LAMC1: variants seen among roughly 807,000 people sequenced by gnomAD.
LAMC1 encodes the protein laminin subunit gamma-1.
A neutral mutation model predicts 173.6 loss-of-function variants in LAMC1; 38 were observed. That is an observed-to-expected ratio of 0.22 (90% CI 0.17 to 0.29). The LOEUF (loss-of-function observed/expected upper bound fraction) is 0.29. LAMC1 is among the 10% of genes least tolerant of loss of function. The pLI is 1.00. For missense variants in LAMC1, 1,824 were observed against 2,051.8 expected, an observed-to-expected ratio of 0.89 and a Z score of 2.14; for synonymous variants, 746 against 749.1, an observed-to-expected ratio of 1.00 and a Z score of 0.07.
chr1:183,111,410 A>G (rs1656147936), intron 4 of LAMC1, among the ~76,000 whole-genome samples: 1 of 151,894 alleles, frequency 6.6e-6, no homozygotes, highest in African/African-American at 2.4e-5. Flanking sequence ...TCTCAAAACT[A>G]TTTTTTCTTT....
At chr1:183,095,926 T>C (rs994093822) in intron 1 of LAMC1, among the ~76,000 whole-genome samples, 61 of 152,224 alleles carry the variant, frequency 4.0e-4, no homozygotes, top group African/African-American at 1.3e-3. Context: ...TTTGCACTTA[T>C]TTGAAATTAC....
At position 183,036,755 on chromosome 1, in the gene LAMC1, G is replaced by T. The variant is rs192104453; in HGVS notation, c.418+12621G>T. On this transcript the variant is annotated intron_variant, in intron 1 of 27. Transcript: ENST00000258341. ...TTACGCTTATTTGTGAAGAACAAAG[G>T]ATTGTTTTCTTTTTTTGTTTTGTTT... Among the ~76,000 whole-genome samples, 450 of 150,522 alleles carry T rather than the reference G, an allele frequency of 3.0e-3. 3 individuals carry two copies. The highest frequency in any genetic ancestry group is 0.01 in the African/African-American group (419 of 41,252).
intron 1 of LAMC1, among the ~76,000 whole-genome samples, chr1:183,068,546 C>T (rs1033427417): frequency 2.6e-5 from 4 of 152,182 alleles, no homozygotes; most frequent in South Asian, 2.1e-4. Flanking sequence ...CTCACAAGAA[C>T]TCTATGAAGT....
intron 23 of LAMC1, 82 bp downstream of exon 23, chr1:183,134,891 C>T: frequency 1.4e-6 from 2 of 1,430,174 alleles, no homozygotes; most frequent in South Asian, 2.5e-5. Flanking sequence ...GCCGTACTTT[C>T]AGAGACAGCA....
intron 2 of LAMC1, among the ~76,000 whole-genome samples, chr1:183,104,725 G>A (rs1470410253): frequency 6.6e-6 from 1 of 152,110 alleles, no homozygotes; most frequent in Non-Finnish European, 1.5e-5. Flanking sequence ...TTTTCTGTGG[G>A]TTCAGTTGCC....
At chr1:183,142,425 C>A (rs1657139664) in intron 27 of LAMC1, 109 bp from the exon 28 acceptor site, 1 of 1,155,984 alleles carries the variant, frequency 8.7e-7, no homozygotes. Context: ...TGCCGGGCTG[C>A]CTGTGCAGAA....
intron 2 of LAMC1, among the ~76,000 whole-genome samples, chr1:183,107,782 A>G (rs960413280): frequency 2.0e-5 from 3 of 152,060 alleles, no homozygotes; most frequent in African/African-American, 7.2e-5. Context: ...GTGAGCTGAG[A>G]TCACGCCACT....
chr1:183,027,486 T>C (rs1038210615), intron 1 of LAMC1, among the ~76,000 whole-genome samples: 2 of 152,180 alleles, frequency 1.3e-5, no homozygotes, highest in African/African-American at 4.8e-5. Flanking sequence ...TTGATAATCA[T>C]TGTGGATGGA....
chr1:183,132,574 G>T (rs199880925), intron 21 of LAMC1, 37 bp downstream of exon 21: 384 of 1,554,914 alleles, frequency 2.5e-4, no homozygotes, highest in Middle Eastern at 1.7e-4. Context: ...ACCCCTTCAG[G>T]TGTTCTGGTA....
chr1:183,062,747 T>A lies in LAMC1; in HGVS notation c.418+38613T>A, dbSNP rs528357704. On this transcript the variant is annotated intron_variant, in intron 1 of 27. Coordinates refer to ENST00000258341, the MANE Select transcript of LAMC1 (RefSeq NM_002293.4). ...TGGGCAGATCATTTGAGGCCAGGAG[T>A]TTGAGACCTGCCTGGGCAATATGGC... Among the ~76,000 whole-genome samples the A allele has an allele frequency of 3.3e-5, 5 of 151,826 alleles. No homozygotes were observed. The South Asian group carries it at 1.0e-3, about 32-fold the overall frequency.
intron 19 of LAMC1, 38 bp downstream of exon 19, chr1:183,130,587 G>T: frequency 6.5e-7 from 1 of 1,548,740 alleles, no homozygotes; most frequent in Non-Finnish European, 8.9e-7. Flanking sequence ...GGATGGGGGA[G>T]GCCCCTGGGG....
chr1:183,114,479 C>T, intron 4 of LAMC1, 52 bp from the exon 5 acceptor site: 1 of 1,566,492 alleles, frequency 6.4e-7, no homozygotes, highest in Non-Finnish European at 8.8e-7. Context: ...TCTTAAAATG[C>T]TCTTCTTAAA....
intron 1 of LAMC1, among the ~76,000 whole-genome samples, chr1:183,027,176 C>T (rs1453680797): frequency 1.3e-5 from 2 of 152,170 alleles, no homozygotes; most frequent in African/African-American, 4.8e-5. Context: ...GCACCATACA[C>T]AGTCATCCAG....
chr1:183,086,180 A>G (rs917684018), intron 1 of LAMC1, among the ~76,000 whole-genome samples: 4 of 152,244 alleles, frequency 2.6e-5, no homozygotes, highest in Middle Eastern at 3.2e-3. Context: ...AAGGAGACAA[A>G]TCTAGTGAAG....
intron 1 of LAMC1, among the ~76,000 whole-genome samples, chr1:183,101,900 C>T (rs888973807): frequency 1.3e-5 from 2 of 152,188 alleles, no homozygotes; most frequent in Admixed American, 6.5e-5. Flanking sequence ...GGATATTGCT[C>T]ATCCTGTCAG....
At chr1:183,124,535 G>A in intron 13 of LAMC1, 96 bp from the exon 14 acceptor site, 1 of 1,440,790 alleles carries the variant, frequency 6.9e-7, no homozygotes, top group East Asian at 2.3e-5. Flanking sequence ...CTTCTCTCAT[G>A]TGATGATTAC....
chr1:183,056,876 G>GT (rs1245970496), intron 1 of LAMC1, among the ~76,000 whole-genome samples: 37 of 152,296 alleles, frequency 2.4e-4, no homozygotes, highest in African/African-American at 7.5e-4. Flanking sequence ...CTGCTTCTGG[G>GT]TTTGTACTCT....
intron 17 of LAMC1, among the ~76,000 whole-genome samples, 176 bp downstream of exon 17, chr1:183,127,580 C>A (rs970329530): frequency 2.0e-5 from 3 of 152,168 alleles, no homozygotes; most frequent in Non-Finnish European, 4.4e-5. Flanking sequence ...ACAAAACAAA[C>A]ACTGAGATAA....
chr1:183,031,327 C>T (rs1227726508), intron 1 of LAMC1, among the ~76,000 whole-genome samples: 6 of 151,602 alleles, frequency 4.0e-5, no homozygotes, highest in Non-Finnish European at 7.4e-5. Context: ...TTTTTGGAGA[C>T]GAGTTTCGCT....
Sources: gnomAD v4.1 joint callset for allele counts (sites outside exome capture counted in the v4.1 genomes callset) on GRCh38, gnomAD v4.1.1 for gene constraint, MANE v1.5 for transcripts, NCBI Gene and HGNC (gene_info 2026-07-23, HGNC 2026-07-21) for gene names.